MARCHF1: variants seen among roughly 807,000 people sequenced by gnomAD.
The protein encoded by MARCHF1 is membrane associated ring-CH-type finger 1.
Under a neutral mutation model 54.2 loss-of-function variants are expected in MARCHF1, and 40 were observed. That is an observed-to-expected ratio of 0.74 (90% CI 0.57 to 0.96). MARCHF1 has a LOEUF of 0.96. Ranked by LOEUF, MARCHF1 falls within the 40% of genes least tolerant of loss-of-function variation. The pLI, the probability that MARCHF1 is intolerant of heterozygous loss-of-function variation, is 0.00. For missense variants in MARCHF1, 586 were observed against 656.5 expected (o/e 0.89, Z 1.17); for synonymous variants, 236 against 236.3 (o/e 1.00, Z 0.01).
intron 2 of MARCHF1, among the ~76,000 whole-genome samples, chr4:163,994,137 T>C (rs1753018382): frequency 6.6e-6 from 1 of 151,970 alleles, no homozygotes; most frequent in Non-Finnish European, 1.5e-5. Context: ...CTTCAGAAAA[T>C]GTAAAGCAGT....
At chr4:164,270,716 T>C (rs564423139) in intron 1 of MARCHF1, among the ~76,000 whole-genome samples, 1 of 152,196 alleles carries the variant, frequency 6.6e-6, no homozygotes, top group Non-Finnish European at 1.5e-5. Flanking sequence ...TATTCGTGCA[T>C]GCCTAACAAA....
intron 1 of MARCHF1, among the ~76,000 whole-genome samples, chr4:164,310,870 T>A (rs962579163): frequency 6.6e-6 from 1 of 152,146 alleles, no homozygotes; most frequent in African/African-American, 2.4e-5. Flanking sequence ...AGAAGATAAA[T>A]ATTGATTTTT....
chr4:164,231,024 C>G (rs554817487), intron 1 of MARCHF1, among the ~76,000 whole-genome samples: 6 of 152,212 alleles, frequency 3.9e-5, no homozygotes, highest in Admixed American at 2.6e-4. Context: ...CACCTTACAA[C>G]TAGCAGGATC....
At chr4:163,747,864 T>C (rs1019287860) in intron 4 of MARCHF1, among the ~76,000 whole-genome samples, 1 of 152,064 alleles carries the variant, frequency 6.6e-6, no homozygotes, top group Non-Finnish European at 1.5e-5. Flanking sequence ...ACGGATGAAA[T>C]GAGTACTCAG....
chr4:163,653,735 C>T (rs534855039), intron 5 of MARCHF1, among the ~76,000 whole-genome samples: 187 of 151,764 alleles, frequency 1.2e-3, no homozygotes, highest in African/African-American at 4.3e-3. Flanking sequence ...GAGGAGCACT[C>T]AGAGCTAAAT....
intron 4 of MARCHF1, among the ~76,000 whole-genome samples, chr4:163,723,795 C>T (rs919359579): frequency 1.3e-5 from 2 of 152,210 alleles, no homozygotes; most frequent in Admixed American, 6.5e-5. Context: ...CACTGATACC[C>T]TTTCTTCCAG....
Position 164,188,606 on chromosome 4 carries a change from G to T in MARCHF1, c.-322-76944C>A, listed in dbSNP as rs528085415. 1.4e-5 allele frequency: 12 copies of T among 882,060 alleles called. No individual in the cohort carries two copies. In the South Asian group the frequency reaches 1.6e-4, roughly 12 times the overall value. The allele number at this position is 882,060 out of a possible 1,614,324, so 54.6% of individuals were successfully genotyped here. A position where few individuals can be genotyped will look rare whatever the true frequency, so the allele number is the denominator to read the frequency against. ...CACTCTTGAAGGGGAATATCTGATC[G>T]GCGATGCCGCCACGAACCAGCTCAC... is the stretch of plus-strand genomic sequence containing the variant. On this transcript the variant is annotated intron_variant, in intron 1 of 9. Coordinates refer to ENST00000514618, the MANE Select transcript of MARCHF1 (RefSeq NM_001394959.1).
At chr4:164,022,058 A>G (rs1252113644) in intron 2 of MARCHF1, among the ~76,000 whole-genome samples, 1 of 151,934 alleles carries the variant, frequency 6.6e-6, no homozygotes, top group African/African-American at 2.4e-5. Flanking sequence ...TCTTTGTGCA[A>G]TTTTTGTTAT....
At chr4:163,755,403 C>T (rs1487942361) in intron 4 of MARCHF1, among the ~76,000 whole-genome samples, 10 of 152,188 alleles carry the variant, frequency 6.6e-5, no homozygotes, top group Non-Finnish European at 1.3e-4. Context: ...GTAAAGCCTA[C>T]TCTGCCAGCC....
chr4:164,229,302 TG>T (rs1370797873), intron 1 of MARCHF1, among the ~76,000 whole-genome samples: 3 of 152,160 alleles, frequency 2.0e-5, no homozygotes, highest in African/African-American at 7.2e-5. Flanking sequence ...AAAGCAGCTT[TG>T]TACCTTCCTT....
At chr4:163,821,616 G>A (rs995361525) in intron 4 of MARCHF1, among the ~76,000 whole-genome samples, 2 of 151,928 alleles carry the variant, frequency 1.3e-5, no homozygotes, top group Admixed American at 1.3e-4. Context: ...GAATTAGAAA[G>A]TGACTGCTTT....
intron 1 of MARCHF1, among the ~76,000 whole-genome samples, chr4:164,351,184 T>G (rs1200984381): frequency 0.015 from 2,232 of 150,456 alleles, 23 homozygotes; most frequent in African/African-American, 0.015. Flanking sequence ...GAGGCTGGGG[T>G]AGGGGCGCCC....
chr4:164,365,281 T>G (rs1358828902), intron 1 of MARCHF1, among the ~76,000 whole-genome samples: 1 of 152,054 alleles, frequency 6.6e-6, no homozygotes, highest in Non-Finnish European at 1.5e-5. Flanking sequence ...GAAAAAAGGT[T>G]GATTCAGGTT....
intron 3 of MARCHF1, among the ~76,000 whole-genome samples, chr4:163,860,524 C>A (rs544772314): frequency 6.6e-6 from 1 of 152,266 alleles, no homozygotes; most frequent in South Asian, 2.1e-4. Flanking sequence ...CCACTCCAGG[C>A]TTTTCTACTC....
At chr4:163,816,073 A>G (rs772616021) in intron 4 of MARCHF1, among the ~76,000 whole-genome samples, 1 of 152,204 alleles carries the variant, frequency 6.6e-6, no homozygotes, top group Non-Finnish European at 1.5e-5. Flanking sequence ...ATTGCATCAG[A>G]GTTGCCTCAT....
At chr4:163,575,989 G>A (rs1043371412) in intron 8 of MARCHF1, among the ~76,000 whole-genome samples, 4 of 151,776 alleles carry the variant, frequency 2.6e-5, no homozygotes, top group African/African-American at 7.3e-5. Context: ...TTCAAAGAGC[G>A]AACTTTTTGT....
At chr4:164,183,516 C>A (rs1189312346) in intron 1 of MARCHF1, among the ~76,000 whole-genome samples, 1 of 152,136 alleles carries the variant, frequency 6.6e-6, no homozygotes, top group African/African-American at 2.4e-5. Flanking sequence ...TCTTTTCTTT[C>A]AATTTTCTTA....
chr4:164,270,902 A>C (rs1425949478), intron 1 of MARCHF1, among the ~76,000 whole-genome samples: 1 of 152,192 alleles, frequency 6.6e-6, no homozygotes, highest in African/African-American at 2.4e-5. Context: ...AAAGGGCCAA[A>C]ATAGTCAACT....
chr4:164,339,667 T>A (rs1377829378), intron 1 of MARCHF1, among the ~76,000 whole-genome samples: 1 of 152,046 alleles, frequency 6.6e-6, no homozygotes, highest in Non-Finnish European at 1.5e-5. Context: ...AGGAATTTTT[T>A]AAAAAGTAAA....
Sources: allele counts gnomAD v4.1 joint callset (sites outside exome capture counted in the v4.1 genomes callset), GRCh38; gene constraint gnomAD v4.1.1; transcripts MANE v1.5; gene names NCBI Gene and HGNC (gene_info 2026-07-23, HGNC 2026-07-21).